Variants in NKIRAS1 observed in about 807,000 individuals in gnomAD.
NKIRAS1 encodes the protein NFKB inhibitor interacting Ras like 1, also known as NF-kappa-B inhibitor-interacting Ras-like protein 1.
In NKIRAS1, 16 loss-of-function variants were observed where a neutral mutation model predicts 19.8. That is an observed-to-expected ratio of 0.81 (90% confidence interval 0.55 to 1.23). NKIRAS1 has a LOEUF of 1.23. NKIRAS1 is among the 50% of genes most tolerant of loss of function. NKIRAS1 has a pLI of 0.00. For synonymous variants in NKIRAS1, 88 were observed against 79.0 expected, an observed-to-expected ratio of 1.11 and a Z score of -0.61; for missense variants, 184 against 220.0, an observed-to-expected ratio of 0.84 and a Z score of 1.04.
intron 4 of NKIRAS1, among the ~76,000 whole-genome samples, chr3:23,895,751 TG>T (rs1296861295): frequency 1.3e-5 from 2 of 152,220 alleles, no homozygotes; most frequent in African/African-American, 4.8e-5. Context: ...CGCATACCTT[TG>T]GTGCCCTTCT....
In NKIRAS1 at chr3:23,900,794, A is replaced by T. The variant is rs1386286176; in HGVS notation, c.336+14T>A. 1 of 1,607,032 alleles carries T rather than the reference A, an allele frequency of 6.2e-7. No homozygotes were observed. Among genetic ancestry groups the T allele is most frequent in the Non-Finnish European group, 8.5e-7 (1 of 1,175,422 alleles). ...TTATAATTCACATTTGGCATTTTTA[A>T]CATATCCACTTGCCTCTTTTTTGTC... On this transcript the variant is annotated intron_variant, in intron 4 of 4. Transcript: ENST00000425478.
At chr3:23,912,070 T>G (rs1203481482) in intron 1 of NKIRAS1, among the ~76,000 whole-genome samples, 1 of 152,182 alleles carries the variant, frequency 6.6e-6, no homozygotes, top group African/African-American at 2.4e-5. Context: ...GGCTGTCACG[T>G]GGGCTTTCTT....
intron 1 of NKIRAS1, among the ~76,000 whole-genome samples, chr3:23,931,690 G>A (rs1453328217): frequency 6.7e-6 from 1 of 149,132 alleles, no homozygotes; most frequent in Non-Finnish European, 1.5e-5. Flanking sequence ...GTGGAAGGGA[G>A]GAAAAAGAAA....
upstream of NKIRAS1, chr3:23,918,030 A>C (rs1388735901): frequency 2.5e-6 from 4 of 1,609,664 alleles, no homozygotes; most frequent in Non-Finnish European, 3.4e-6. Flanking sequence ...AGGCCAAGCA[A>C]GGTACGTGAT....
chr3:23,940,326 G>A lies in NKIRAS1; in HGVS notation c.-140+5997C>T, dbSNP rs552349168. Among the ~76,000 whole-genome samples the A allele has an allele frequency of 2.7e-5, 4 of 147,326 alleles. No individual in the cohort carries two copies. The South Asian group carries it at 8.8e-4, about 32-fold the overall frequency. On this transcript the variant is annotated intron_variant, in intron 1 of 4. Transcript: ENST00000421515. ...TGCACCACTGTACTGCAGCTGGGGC[G>A]ACAAAGCCAGACCTGTTTCTAAAAA...
Position 23,900,927 on chromosome 3 carries a change from T to G in NKIRAS1, c.217A>C (p.Lys73Gln), listed in dbSNP as rs762884006. 7.4e-6 allele frequency: 12 copies of G among 1,614,180 alleles called. No homozygotes were observed. Among genetic ancestry groups the G allele is most frequent in the Non-Finnish European group, 1.0e-5 (12 of 1,180,034 alleles). ...RGLQEGVELP[K>Q]HYFSFADGFV... ...CCATCAGCAAATGAAAAATAATGCT[T>G]TGGCAGCTCCACGCCTTCCTGTAGA... The change falls in exon 4 of 5, where the codon AAG becomes CAG. Residue 73 changes from lysine to glutamine, a missense_variant. By Grantham distance (53) the Lys-to-Gln change is moderately conservative (BLOSUM62 1). Coordinates refer to ENST00000425478, the MANE Select transcript of NKIRAS1 (RefSeq NM_020345.4).
At chr3:23,903,844 G>A (rs1391674251) in intron 3 of NKIRAS1, among the ~76,000 whole-genome samples, 1 of 152,026 alleles carries the variant, frequency 6.6e-6, no homozygotes, top group East Asian at 1.9e-4. Context: ...ATATAGAAGG[G>A]GCCCTCTAAG....
Position 23,891,520 on chromosome 3 carries a change from T to G in NKIRAS1, c.*1575A>C, listed in dbSNP as rs183552413. Reference sequence around the variant, plus strand: ...GTTAAATAATCTACCCCATTTAGGCTTCAAAGACGAACCCTACTGCATCTT... The same window carrying G: ...GTTAAATAATCTACCCCATTTAGGCGTCAAAGACGAACCCTACTGCATCTT... On this transcript the variant is annotated 3_prime_UTR_variant, in exon 5 of 5. Transcript: ENST00000425478. 7.5e-4 allele frequency: 114 copies of G among 152,310 alleles called. 1 individual carries two copies. Among genetic ancestry groups the G allele is most frequent in the African/African-American group, 2.6e-3 (110 of 41,562 alleles). The allele number at this position is 152,310 out of a possible 1,614,324, so 9.4% of individuals were successfully genotyped here.
At chr3:23,906,108 G>C (rs576577068) in intron 3 of NKIRAS1, among the ~76,000 whole-genome samples, 1 of 138,724 alleles carries the variant, frequency 7.2e-6, no homozygotes, top group African/African-American at 2.7e-5. Context: ...GCAGTGAGCC[G>C]AGATCGTGCC....
intron 3 of NKIRAS1, among the ~76,000 whole-genome samples, chr3:23,902,856 T>A (rs910988067): frequency 1.3e-5 from 2 of 152,194 alleles, no homozygotes; most frequent in African/African-American, 4.8e-5. Context: ...ACAGGGCAAT[T>A]AAGTGACATG....
chr3:23,893,287 T>C lies in NKIRAS1; in HGVS notation c.387A>G (p.Gln129=). Residue 129 remains glutamine, a synonymous_variant, in exon 5 of 5, where the codon CAA becomes CAG. Coordinates refer to ENST00000425478, the MANE Select transcript of NKIRAS1 (RefSeq NM_020345.4). ...ACTGCTGTGCCACTTCAGCGTCCAC[T>C]TGTCTCTGCTCAGAAAGGTCGATTT... is the stretch of plus-strand genomic sequence containing the variant. ...GNKIDLSEQR[Q]VDAEVAQQWA... 1.9e-6 allele frequency: 3 copies of C among 1,614,034 alleles called. No individual in the cohort carries two copies. Among genetic ancestry groups the C allele is most frequent in the Non-Finnish European group, 2.5e-6 (3 of 1,179,938 alleles).
intron 1 of NKIRAS1, among the ~76,000 whole-genome samples, chr3:23,932,385 A>G (rs527247587): frequency 4.6e-5 from 7 of 152,188 alleles, no homozygotes; most frequent in Non-Finnish European, 8.8e-5. Flanking sequence ...TTAATCTCGC[A>G]TAAGGACTGT....
Position 23,913,373 on chromosome 3 carries a change from A to T in NKIRAS1, c.-139-1923T>A, listed in dbSNP as rs961344584. ...CATTAAATATTTTACACTATCAAAA[A>T]GAAAACAAAGATGAAAAGATAAGTG... On this transcript the variant is annotated intron_variant, in intron 1 of 4. Coordinates refer to ENST00000425478, the MANE Select transcript of NKIRAS1 (RefSeq NM_020345.4). Among the ~76,000 whole-genome samples, 6 of 152,196 alleles carry T rather than the reference A, an allele frequency of 3.9e-5. No homozygotes were observed. In the East Asian group the frequency reaches 1.2e-3, roughly 29 times the overall value.
chr3:23,937,001 C>A (rs1705406254), intron 1 of NKIRAS1, among the ~76,000 whole-genome samples: 1 of 152,164 alleles, frequency 6.6e-6, no homozygotes, highest in South Asian at 2.1e-4. Flanking sequence ...AGGAGAGCTC[C>A]TGATAAACTG....
chr3:23,920,550 T>TAG (rs1705021505), upstream of NKIRAS1: 23 of 985,178 alleles, frequency 2.3e-5, no homozygotes, highest in Non-Finnish European at 2.8e-5. Context: ...GAGACTAGAC[T>TAG]ACTGTTGTCC....
rs927586273 is a variant in NKIRAS1, at chr3:23,925,647, A to C, written c.-139-14197T>G. On this transcript the variant is annotated intron_variant, in intron 1 of 4. Coordinates refer to the NKIRAS1 transcript ENST00000421515. The stretch of plus-strand genomic sequence containing the variant: ...AGACTCTGTCTCAAAAAAATAAATA[A>C]ATAAATAAATAAATGTACTTTTACT... 1.3e-4 allele frequency among the ~76,000 whole-genome samples: 19 copies of C among 151,936 alleles called. 1 individual carries two copies. The highest frequency in any genetic ancestry group is 4.4e-5 in the Non-Finnish European group (3 of 67,986).
At position 23,930,014 on chromosome 3, in the gene NKIRAS1, C is replaced by T. The variant is rs890307315; in HGVS notation, c.-140+16309G>A. On this transcript the variant is annotated intron_variant, in intron 1 of 4. Coordinates refer to the NKIRAS1 transcript ENST00000421515. ...TGGTGGAATGGATAATCTGGACAAA[C>T]ACTCCAGGGACAACTAGAAAGGCAG... Among the ~76,000 whole-genome samples, 3 of 152,030 alleles carry T rather than the reference C, an allele frequency of 2.0e-5. No individual in the cohort carries two copies. The East Asian group carries it at 5.8e-4, about 29-fold the overall frequency.
At chr3:23,921,569 A>AT, upstream of NKIRAS1, 34 of 512,662 alleles carry the variant, frequency 6.6e-5, no homozygotes, top group East Asian at 2.1e-4. Flanking sequence ...TTGATTATTG[A>AT]GTTTTTTTTT....
At chr3:23,905,647 C>T (rs1021392130) in intron 3 of NKIRAS1, among the ~76,000 whole-genome samples, 1 of 152,106 alleles carries the variant, frequency 6.6e-6, no homozygotes, top group African/African-American at 2.4e-5. Flanking sequence ...AAGGAAATCA[C>T]AAGCACAATT....
Sources: gnomAD v4.1 joint callset for allele counts (sites outside exome capture counted in the v4.1 genomes callset) on GRCh38, gnomAD v4.1.1 for gene constraint, MANE v1.5 for transcripts, NCBI Gene and HGNC (gene_info 2026-07-23, HGNC 2026-07-21) for gene names.